Variants in PCDH15 observed in about 807,000 individuals in gnomAD.
PCDH15 encodes protocadherin related 15.
A neutral mutation model predicts 178.5 loss-of-function variants in PCDH15; 129 were observed. The ratio of observed to expected loss-of-function variants is 0.72; its 90% CI spans 0.63 to 0.84. PCDH15 has a LOEUF of 0.84. Among genes scored for constraint, PCDH15 ranks in the 40% least tolerant of loss-of-function variants. The pLI, the probability that PCDH15 is intolerant of heterozygous loss-of-function variation, is 0.00. For missense variants in PCDH15, 2,230 were observed against 2,099.9 expected (o/e 1.06, Z -1.21); for synonymous variants, 800 against 732.0 (o/e 1.09, Z -1.50).
chr10:54,238,975 T>A (rs1473191512), intron 8 of PCDH15, among the ~76,000 whole-genome samples: 1 of 152,132 alleles, frequency 6.6e-6, no homozygotes, highest in East Asian at 1.9e-4. Flanking sequence ...TGTAAAGGCA[T>A]TTCAAATCTG....
chr10:53,961,644 TA>T, intron 22 of PCDH15, 107 bp downstream of exon 22: 1 of 840,882 alleles, frequency 1.2e-6, no homozygotes, highest in East Asian at 3.1e-5. Flanking sequence ...TTAAAAAAAT[TA>T]AAAAGGAGAA....
intron 2 of PCDH15, among the ~76,000 whole-genome samples, chr10:54,956,315 A>G (rs1838484966): frequency 6.6e-6 from 1 of 151,548 alleles, no homozygotes; most frequent in African/African-American, 2.4e-5. Flanking sequence ...TATTTTGAGA[A>G]TATACTACAT....
intron 10 of PCDH15, among the ~76,000 whole-genome samples, chr10:54,196,666 C>T (rs2049700113): frequency 6.6e-6 from 1 of 151,990 alleles, no homozygotes; most frequent in South Asian, 2.1e-4. Context: ...GCTGTTGTAC[C>T]CCCCAAATTC....
chr10:54,425,417 C>T (rs1384210648), intron 3 of PCDH15, among the ~76,000 whole-genome samples: 1 of 152,112 alleles, frequency 6.6e-6, no homozygotes, highest in Non-Finnish European at 1.5e-5. Context: ...TCCCCACAAG[C>T]AAGAAGGCTC....
intron 2 of PCDH15, among the ~76,000 whole-genome samples, chr10:54,546,811 T>G (rs1014254544): frequency 3.3e-5 from 5 of 152,170 alleles, no homozygotes; most frequent in Non-Finnish European, 7.4e-5. Context: ...GCAACAGTTA[T>G]TCCTTAACAC....
At chr10:53,916,968 A>T (rs747601964) in intron 25 of PCDH15, among the ~76,000 whole-genome samples, 12 of 152,270 alleles carry the variant, frequency 7.9e-5, no homozygotes, top group Non-Finnish European at 1.8e-4. Context: ...ATGAAATTGA[A>T]ACAAAATTTC....
At chr10:54,991,057 G>A (rs1308031285) in intron 2 of PCDH15, among the ~76,000 whole-genome samples, 2 of 151,738 alleles carry the variant, frequency 1.3e-5, no homozygotes, top group Non-Finnish European at 2.9e-5. Flanking sequence ...TTCTTGCTTT[G>A]AAGTCCCAAT....
Position 54,877,781 on chromosome 10 carries a change from T to C in PCDH15, c.-29+19669A>G, listed in dbSNP as rs1371611675. On this transcript the variant is annotated intron_variant, in intron 3 of 5. Coordinates refer to the PCDH15 transcript ENST00000458638. ...CCTTCCATTACCAGCCCTTCCTCAA[T>C]GGCATTCAATATTAATAGTTTCCTG... Among the ~76,000 whole-genome samples the C allele has an allele frequency of 2.6e-5, 4 of 152,134 alleles. No individual in the cohort carries two copies. In the East Asian group the frequency reaches 7.7e-4, roughly 29 times the overall value.
At chr10:54,317,993 A>G (rs1218122530) in intron 7 of PCDH15, among the ~76,000 whole-genome samples, 6 of 152,300 alleles carry the variant, frequency 3.9e-5, no homozygotes, top group Admixed American at 1.3e-4. Flanking sequence ...ATTACTAGAC[A>G]GCCTAACCAT....
chr10:55,104,766 GA>G (rs1303596399), intron 2 of PCDH15, among the ~76,000 whole-genome samples: 1 of 151,954 alleles, frequency 6.6e-6, no homozygotes, highest in Admixed American at 6.6e-5. Flanking sequence ...TTGTTTCAAG[GA>G]AAAAATCCGG....
chr10:55,624,468 A>T (rs1016092470), intron 2 of PCDH15, among the ~76,000 whole-genome samples: 3 of 150,744 alleles, frequency 2.0e-5, no homozygotes, highest in African/African-American at 5.0e-5. Context: ...GCATAAGACA[A>T]CTGGGAAATG....
chr10:54,473,798 T>C (rs1012609526), intron 3 of PCDH15, among the ~76,000 whole-genome samples: 2 of 151,928 alleles, frequency 1.3e-5, no homozygotes, highest in Non-Finnish European at 1.5e-5. Flanking sequence ...AATGTGCCAA[T>C]AAATTTAAAG....
intron 2 of PCDH15, among the ~76,000 whole-genome samples, chr10:55,105,652 C>T (rs1412304526): frequency 6.6e-6 from 1 of 152,024 alleles, no homozygotes; most frequent in Non-Finnish European, 1.5e-5. Flanking sequence ...AAACTTAAGT[C>T]ATAAGCAGCA....
chr10:54,965,735 G>A (rs1333835887), intron 2 of PCDH15, among the ~76,000 whole-genome samples: 3 of 150,066 alleles, frequency 2.0e-5, no homozygotes, highest in Non-Finnish European at 4.4e-5. Context: ...TTTCCTCACT[G>A]GGGTAATCCT....
chr10:55,579,011 G>A (rs1296827624), intron 2 of PCDH15, among the ~76,000 whole-genome samples: 2 of 152,074 alleles, frequency 1.3e-5, no homozygotes, highest in African/African-American at 4.8e-5. Context: ...GAAAATAGAA[G>A]AATATGCACA....
At chr10:53,924,181 G>C (rs539715574) in intron 25 of PCDH15, among the ~76,000 whole-genome samples, 41 of 152,306 alleles carry the variant, frequency 2.7e-4, no homozygotes, top group African/African-American at 9.9e-4. Context: ...GAGGTGTGGA[G>C]GGAGAGGCGC....
chr10:55,505,253 A>C (rs1029885455), intron 2 of PCDH15, among the ~76,000 whole-genome samples: 5 of 151,470 alleles, frequency 3.3e-5, no homozygotes, highest in African/African-American at 9.6e-5. Context: ...AATATTAATT[A>C]GTGGTGTAAG....
chr10:54,928,409 A>G (rs1837684366), intron 2 of PCDH15, among the ~76,000 whole-genome samples: 1 of 152,104 alleles, frequency 6.6e-6, no homozygotes, highest in African/African-American at 2.4e-5. Context: ...TCTGATAATT[A>G]TGTGTCCTGA....
At chr10:54,470,403 G>A (rs144562628) in intron 3 of PCDH15, among the ~76,000 whole-genome samples, 1 of 152,142 alleles carries the variant, frequency 6.6e-6, no homozygotes. Flanking sequence ...GGCTGCAGGT[G>A]GGGGAGGTCA....
Sources: allele counts gnomAD v4.1 joint callset (sites outside exome capture counted in the v4.1 genomes callset), GRCh38; gene constraint gnomAD v4.1.1; transcripts MANE v1.5; gene names NCBI Gene and HGNC (gene_info 2026-07-23, HGNC 2026-07-21).